CSNK1G1: variants seen among roughly 807,000 people sequenced by gnomAD.
The protein encoded by CSNK1G1 is casein kinase I isoform gamma-1.
CSNK1G1 carries 22 observed loss-of-function variants against 59.6 expected under a neutral mutation model. That is an observed-to-expected ratio of 0.37 (90% CI 0.26 to 0.53). CSNK1G1 has a LOEUF of 0.53. Among genes scored for constraint, CSNK1G1 ranks in the 20% least tolerant of loss-of-function variants. The probability of loss-of-function intolerance (pLI) is 0.89; values close to 1 mark genes in which losing one functional copy is unlikely to be tolerated. For missense variants in CSNK1G1, 384 were observed against 519.5 expected, an observed-to-expected ratio of 0.74 and a Z score of 2.54; for synonymous variants, 179 against 177.1, an observed-to-expected ratio of 1.01 and a Z score of -0.08.
In CSNK1G1 at chr15:64,214,680, T is replaced by G. The variant is rs1014321918; in HGVS notation, c.445-556A>C. ...AGTTCATTATTATTATTATTATTTT[T>G]GAGACGGAGTCTTGCTCTGTCACCC... is the stretch of plus-strand genomic sequence containing the variant. On this transcript the variant is annotated intron_variant, in intron 5 of 11. Coordinates refer to ENST00000303052, the MANE Select transcript of CSNK1G1 (RefSeq NM_022048.5). The surrounding 1 kb of genome is among the most constrained non-coding windows in gnomAD (Gnocchi z 4.3). 6.6e-6 allele frequency among the ~76,000 whole-genome samples: 1 copy of G among 152,158 alleles called. No homozygotes were observed. The highest frequency in any genetic ancestry group is 1.5e-5 in the Non-Finnish European group (1 of 68,032).
At chr15:64,295,410 T>G (rs1490808897) in intron 2 of CSNK1G1, among the ~76,000 whole-genome samples, 1 of 152,210 alleles carries the variant, frequency 6.6e-6, no homozygotes, top group South Asian at 2.1e-4. Flanking sequence ...CATCTTTGAC[T>G]TCTTCCCATC....
chr15:64,326,682 G>A (rs1253868143), intron 1 of CSNK1G1, among the ~76,000 whole-genome samples: 4 of 151,696 alleles, frequency 2.6e-5, no homozygotes, highest in Admixed American at 1.3e-4. Context: ...CAAGATGGCC[G>A]AATAGGAACA....
chr15:64,231,186 G>A, intron 4 of CSNK1G1, among the ~76,000 whole-genome samples: 1 of 148,314 alleles, frequency 6.7e-6, no homozygotes, highest in African/African-American at 2.6e-5. Flanking sequence ...AATTAGTTGA[G>A]CGTGTGATGT....
At position 64,216,564 on chromosome 15, in the gene CSNK1G1, G is replaced by C. The variant is rs6494466; in HGVS notation, c.442C>G (p.Leu148Val). 1 of 1,613,376 alleles carries C rather than the reference G, an allele frequency of 6.2e-7. No individual in the cohort carries two copies. Among genetic ancestry groups the C allele is most frequent in the East Asian group, 2.2e-5 (1 of 44,866 alleles). Residue 148 changes from leucine (L) to valine (V), a missense_variant and splice_region_variant, in exon 5 of 12, where the codon CTG becomes GTG. Around this residue, in one of 3 missense-constraint regions of CSNK1G1, gnomAD observed 325 missense variants for 440.9 expected, o/e 0.74. Transcript: ENST00000303052. The surrounding 1 kb of genome is among the most constrained non-coding windows in gnomAD (Gnocchi z 4.6). ...LKTVLMIAIQ[L>V]LSRMEYVHSK... ...CTAGAAGAGCAATTCCAACTTACCA[G>C]CTGGATGGCTATCATTAACACCGTC...
At chr15:64,206,137 C>T (rs1333084589) in intron 7 of CSNK1G1, among the ~76,000 whole-genome samples, 2 of 152,138 alleles carry the variant, frequency 1.3e-5, no homozygotes, top group Non-Finnish European at 1.5e-5. Context: ...GAAACCCCGT[C>T]TCTACTAAAA....
intron 1 of CSNK1G1, among the ~76,000 whole-genome samples, chr15:64,355,605 G>A (rs1448816231): frequency 6.6e-6 from 1 of 151,856 alleles, no homozygotes; most frequent in Non-Finnish European, 1.5e-5. Context: ...AGGGAAAGAG[G>A]GCAATGGAAG....
rs904634039 is a variant in CSNK1G1 at position 64,200,708 on chromosome 15, C to T, written c.1107+2374G>A. Reference sequence around the variant, plus strand: ...AGAATATATTACTACACTTCCAACCCTATTTCTGTTAATAATTTTGATCTC... The same window carrying T: ...AGAATATATTACTACACTTCCAACCTTATTTCTGTTAATAATTTTGATCTC... On this transcript the variant is annotated intron_variant, in intron 10 of 11. Coordinates refer to ENST00000303052, the MANE Select transcript of CSNK1G1 (RefSeq NM_022048.5). This position sits in a 1 kb window ranked among gnomAD's most constrained non-coding sequence, Gnocchi z 4.3. 6.6e-6 allele frequency among the ~76,000 whole-genome samples: 1 copy of T among 152,144 alleles called. No individual in the cohort carries two copies. Among genetic ancestry groups the T allele is most frequent in the Non-Finnish European group, 1.5e-5 (1 of 68,030 alleles).
At chr15:64,224,988 A>AAT (rs939503311) in intron 4 of CSNK1G1, among the ~76,000 whole-genome samples, 14 of 151,570 alleles carry the variant, frequency 9.2e-5, no homozygotes, top group African/African-American at 2.9e-4. Context: ...TAGTAGATAG[A>AAT]ATCCAAAATA....
At chr15:64,205,303 T>C (rs532543256) in intron 7 of CSNK1G1, among the ~76,000 whole-genome samples, 1 of 152,330 alleles carries the variant, frequency 6.6e-6, no homozygotes, top group East Asian at 1.9e-4. Context: ...TTCAATATGA[T>C]TCAGCATTCT....
In CSNK1G1 at chr15:64,204,425, A is replaced by G; in HGVS notation, c.999+16T>C. The G allele has an allele frequency of 6.5e-7, 1 of 1,550,266 alleles. No individual in the cohort carries two copies. The highest frequency in any genetic ancestry group is 2.3e-5 in the East Asian group (1 of 44,344). On this transcript the variant is annotated intron_variant, in intron 9 of 11. Coordinates refer to ENST00000303052, the MANE Select transcript of CSNK1G1 (RefSeq NM_022048.5). ...AGGTAATGAGGTTAAAAAAAAAAAA[A>G]AAAAAGGATACTTACAATAGGTCTC...
chr15:64,253,537 A>G (rs1445573891), intron 3 of CSNK1G1, among the ~76,000 whole-genome samples: 1 of 152,180 alleles, frequency 6.6e-6, no homozygotes, highest in Non-Finnish European at 1.5e-5. Context: ...TTAAAGACAG[A>G]ATCATTATGA....
intron 1 of CSNK1G1, among the ~76,000 whole-genome samples, chr15:64,335,483 A>G (rs192738603): frequency 6.6e-6 from 1 of 152,168 alleles, no homozygotes; most frequent in African/African-American, 2.4e-5. Context: ...CTGCCTATAG[A>G]AACACAAAAA....
chr15:64,167,743 G>T lies in CSNK1G1; in HGVS notation c.*4188C>A, dbSNP rs1163314461. 1 of 152,676 alleles carries T rather than the reference G, an allele frequency of 6.5e-6. No homozygotes were observed. 9.5% of individuals were successfully genotyped at this position (152,676 alleles called of 1,614,324 possible). On this transcript the variant is annotated 3_prime_UTR_variant, in exon 12 of 12. Transcript: ENST00000303052. ...GTTTAAATGTGAAATGGAAGAGGTG[G>T]CTGGAACACAGGAGGCATGTGGGCT... is the stretch of plus-strand genomic sequence containing the variant.
At chr15:64,284,830 T>A (rs1012699136) in intron 2 of CSNK1G1, among the ~76,000 whole-genome samples, 1 of 152,088 alleles carries the variant, frequency 6.6e-6, no homozygotes, top group African/African-American at 2.4e-5. Flanking sequence ...ACACAAGTGA[T>A]ATCATATGAA....
At chr15:64,276,621 G>A (rs1179721008) in intron 2 of CSNK1G1, among the ~76,000 whole-genome samples, 1 of 151,456 alleles carries the variant, frequency 6.6e-6, no homozygotes, top group East Asian at 1.9e-4. Context: ...ACCCAGGTAG[G>A]AAAAAAAAGG....
chr15:64,248,201 TACTC>T (rs1566918675), intron 4 of CSNK1G1, among the ~76,000 whole-genome samples: 1 of 152,160 alleles, frequency 6.6e-6, no homozygotes, highest in Admixed American at 6.5e-5. Context: ...GCTGAGAACT[TACTC>T]TGAAAAAATA....
intron 4 of CSNK1G1, among the ~76,000 whole-genome samples, chr15:64,239,858 A>G (rs1272078410): frequency 2.0e-5 from 3 of 152,196 alleles, no homozygotes; most frequent in African/African-American, 7.2e-5. Context: ...AAAAAGTACA[A>G]CAGAAATTCA....
intron 2 of CSNK1G1, among the ~76,000 whole-genome samples, chr15:64,275,075 C>T (rs538299274): frequency 4.8e-4 from 73 of 152,314 alleles, no homozygotes; most frequent in African/African-American, 1.7e-3. Context: ...CACAGTCTTG[C>T]TATGTTGCCC....
intron 1 of CSNK1G1, among the ~76,000 whole-genome samples, chr15:64,337,431 C>T (rs1897446960): frequency 6.6e-6 from 1 of 152,102 alleles, no homozygotes; most frequent in African/African-American, 2.4e-5. Flanking sequence ...TCACTGCAGC[C>T]TCGAACTCCT....
Sources: allele counts gnomAD v4.1 joint callset (sites outside exome capture counted in the v4.1 genomes callset), GRCh38; gene constraint gnomAD v4.1.1; regional missense constraint gnomAD v4.1.1; non-coding constraint Gnocchi (gnomAD v3.1); transcripts MANE v1.5; gene names NCBI Gene and HGNC (gene_info 2026-07-23, HGNC 2026-07-21).